Variants in APBB1IP observed in about 807,000 individuals in gnomAD.
The protein encoded by APBB1IP is amyloid beta precursor protein binding family B member 1 interacting protein.
A neutral mutation model predicts 64.9 loss-of-function variants in APBB1IP; 27 were observed. That is an observed-to-expected ratio of 0.42 (90% CI 0.31 to 0.57). The LOEUF is 0.57. APBB1IP is among the 20% of genes least tolerant of loss of function. The pLI, the probability that APBB1IP is intolerant of heterozygous loss-of-function variation, is 0.20. For synonymous variants in APBB1IP, 392 were observed against 331.0 expected (o/e 1.18, Z -2.00); for missense variants, 812 against 845.5 (o/e 0.96, Z 0.49).
At chr10:26,549,781 GTTTTAGCCTC>G (rs2132475755) in intron 11 of APBB1IP, among the ~76,000 whole-genome samples, 3 of 151,470 alleles carry the variant, frequency 2.0e-5, no homozygotes, top group African/African-American at 7.3e-5. Flanking sequence ...TAATATTTGT[GTTTTAGCCTC>G]TTTTAGCCTT....
At chr10:26,476,649 G>T (rs1017292972) in intron 2 of APBB1IP, among the ~76,000 whole-genome samples, 2 of 151,772 alleles carry the variant, frequency 1.3e-5, no homozygotes, top group Non-Finnish European at 2.9e-5. Context: ...TTCTGTCTTT[G>T]TTACACAATG....
chr10:26,531,263 G>A (rs1426762260), intron 8 of APBB1IP, among the ~76,000 whole-genome samples: 1 of 152,146 alleles, frequency 6.6e-6, no homozygotes, highest in Non-Finnish European at 1.5e-5. Flanking sequence ...TTGAACCCAG[G>A]AGGCAGAGGT....
At position 26,536,222 on chromosome 10, in the gene APBB1IP, GAAAAAAA is replaced by G; in HGVS notation, c.1044+15_1044+21del. On this transcript the variant is annotated splice_donor_region_variant and intron_variant, in intron 10 of 14. Coordinates refer to ENST00000376236, the MANE Select transcript of APBB1IP (RefSeq NM_019043.4). ...GTACCCAAAGGAAAGACTAAGGTCAGAAAAAAAAAAAAAAAAGCACTTAGCAATAAAG... is the reference window on the plus strand; with the variant it reads ...GTACCCAAAGGAAAGACTAAGGTCAGAAAAAAAAAGCACTTAGCAATAAAG... 7.4e-7 allele frequency: 1 copy of G among 1,352,806 alleles called. No homozygotes were observed. Among genetic ancestry groups the G allele is most frequent in the Non-Finnish European group, 9.7e-7 (1 of 1,035,552 alleles). 83.8% of individuals were successfully genotyped at this position (1,352,806 alleles called of 1,614,324 possible).
chr10:26,462,260 G>A (rs770637901), intron 2 of APBB1IP, among the ~76,000 whole-genome samples: 2 of 152,120 alleles, frequency 1.3e-5, no homozygotes, highest in Non-Finnish European at 2.9e-5. Context: ...ACCTCTTATT[G>A]TTAAGGACAA....
intron 11 of APBB1IP, among the ~76,000 whole-genome samples, chr10:26,545,460 A>T (rs1836748125): frequency 6.6e-6 from 1 of 152,168 alleles, no homozygotes. Context: ...CTCCATCTGT[A>T]CTAAAAATAC....
intron 10 of APBB1IP, among the ~76,000 whole-genome samples, chr10:26,537,020 C>A (rs761988553): frequency 2.0e-5 from 3 of 152,032 alleles, no homozygotes; most frequent in Non-Finnish European, 4.4e-5. Context: ...GTATTTTAGA[C>A]AACATTTAAC....
chr10:26,501,209 C>T, intron 5 of APBB1IP, 98 bp downstream of exon 5: 1 of 1,531,638 alleles, frequency 6.5e-7, no homozygotes, highest in Non-Finnish European at 9.0e-7. Context: ...TTGGTACATC[C>T]AAAGATCTGA....
intron 11 of APBB1IP, among the ~76,000 whole-genome samples, chr10:26,552,923 A>C (rs891501025): frequency 1.3e-5 from 2 of 152,072 alleles, no homozygotes; most frequent in African/African-American, 4.8e-5. Context: ...CACTCCCCTC[A>C]GTGGTATCTG....
At chr10:26,520,659 C>T (rs981959992) in intron 8 of APBB1IP, among the ~76,000 whole-genome samples, 1 of 152,138 alleles carries the variant, frequency 6.6e-6, no homozygotes, top group African/African-American at 2.4e-5. Context: ...TGCTAGGCAT[C>T]CATTTCCACT....
intron 2 of APBB1IP, among the ~76,000 whole-genome samples, chr10:26,459,750 GT>G (rs1835568882): frequency 6.6e-6 from 1 of 151,478 alleles, no homozygotes; most frequent in South Asian, 2.1e-4. Context: ...TTTCATTATT[GT>G]TGTATCTTGG....
At chr10:26,564,543 C>A (rs1418874886) in intron 14 of APBB1IP, among the ~76,000 whole-genome samples, 1 of 152,200 alleles carries the variant, frequency 6.6e-6, no homozygotes, top group Non-Finnish European at 1.5e-5. Context: ...TGGCTCACGC[C>A]TGTAATTCCA....
intron 2 of APBB1IP, among the ~76,000 whole-genome samples, chr10:26,469,438 A>G (rs1835690218): frequency 6.6e-6 from 1 of 151,678 alleles, no homozygotes; most frequent in Non-Finnish European, 1.5e-5. Context: ...TTTAGTAGAG[A>G]CTGGGTTTCA....
rs149024667 is a variant in APBB1IP at position 26,539,500 on chromosome 10, G to A, written c.1045-2082G>A. On this transcript the variant is annotated intron_variant, in intron 10 of 14. Transcript: ENST00000376236. ...GGAGGAAGGGAGGGAAGGAAGGAAG[G>A]AAGAAAGGGAGAAAAAAAAGAAAAT... 4.8e-3 allele frequency among the ~76,000 whole-genome samples: 719 copies of A among 151,258 alleles called. 4 individuals are homozygous for A. Among genetic ancestry groups the A allele is most frequent in the African/African-American group, 0.017 (686 of 41,224 alleles).
At chr10:26,492,229 C>T (rs937283478) in intron 2 of APBB1IP, 98 bp from the exon 3 acceptor site, 8 of 1,089,498 alleles carry the variant, frequency 7.3e-6, no homozygotes, top group Non-Finnish European at 1.1e-5. Context: ...CTTAGCTGCC[C>T]ATGGATGGGG....
Position 26,567,095 on chromosome 10 carries a change from C to G in APBB1IP, c.1608C>G (p.Leu536=). 1 of 1,463,124 alleles carries G rather than the reference C, an allele frequency of 6.8e-7. No homozygotes were observed. Among genetic ancestry groups the G allele is most frequent in the Non-Finnish European group, 8.9e-7 (1 of 1,122,034 alleles). 90.6% of individuals were successfully genotyped at this position (1,463,124 alleles called of 1,614,324 possible). A position where few individuals can be genotyped will look rare whatever the true frequency, so the allele number is the denominator to read the frequency against. Residue 536 remains leucine (L), a synonymous_variant, in exon 15 of 15, where the codon CTC becomes CTG. Coordinates refer to ENST00000376236, the MANE Select transcript of APBB1IP (RefSeq NM_019043.4). ...SDTSGSPATP[L]KAKGTGGGGL... ...CCAGCGGCAGTCCCGCCACGCCCCT[C>G]AAGGCCAAGGGCACAGGCGGCGGGG...
intron 2 of APBB1IP, among the ~76,000 whole-genome samples, chr10:26,460,774 G>T (rs569236771): frequency 1.3e-5 from 2 of 152,112 alleles, no homozygotes; most frequent in Non-Finnish European, 2.9e-5. Context: ...CACATTGGGG[G>T]AACAACACAC....
intron 2 of APBB1IP, among the ~76,000 whole-genome samples, chr10:26,469,666 T>G (rs2132413255): frequency 6.6e-6 from 1 of 152,314 alleles, no homozygotes; most frequent in Non-Finnish European, 1.5e-5. Flanking sequence ...TATTGTGTGA[T>G]GCCAAGGTTT....
At chr10:26,492,227 C>T (rs980793664) in intron 2 of APBB1IP, 100 bp from the exon 3 acceptor site, 2 of 1,044,966 alleles carry the variant, frequency 1.9e-6, no homozygotes, top group African/African-American at 1.6e-5. Flanking sequence ...AACTTAGCTG[C>T]CCATGGATGG....
chr10:26,500,220 A>AAG (rs902275567), intron 4 of APBB1IP, among the ~76,000 whole-genome samples: 1 of 151,834 alleles, frequency 6.6e-6, no homozygotes, highest in African/African-American at 2.4e-5. Context: ...CAAAAAAAAA[A>AAG]AAAAAAGAAA....
Sources: allele counts gnomAD v4.1 joint callset (sites outside exome capture counted in the v4.1 genomes callset), GRCh38; gene constraint gnomAD v4.1.1; transcripts MANE v1.5; gene names NCBI Gene and HGNC (gene_info 2026-07-23, HGNC 2026-07-21).